GPRC5B: variants seen among roughly 807,000 people sequenced by gnomAD.
GPRC5B encodes the protein G protein-coupled receptor family C group 5 member B.
Under a neutral mutation model 30.1 loss-of-function variants are expected in GPRC5B, and 16 were observed. The ratio of observed to expected loss-of-function variants is 0.53; its 90% CI spans 0.36 to 0.81. The LOEUF is 0.81. Among genes scored for constraint, GPRC5B ranks in the 30% least tolerant of loss-of-function variants. GPRC5B has a pLI of 0.01. For missense variants in GPRC5B, 428 were observed against 544.7 expected (o/e 0.79, Z 2.13); for synonymous variants, 241 against 239.5 (o/e 1.01, Z -0.06).
chr16:19,884,839 T>C lies in GPRC5B; in HGVS notation c.-114A>G. On this transcript the variant is annotated 5_prime_UTR_variant, in exon 1 of 4. Coordinates refer to ENST00000300571, the MANE Select transcript of GPRC5B (RefSeq NM_016235.3). ...CGCACGCCCGCCTGCGGGTCCAGCTTCACTGCAGCGCCTGCCAGAGTCGCT... is the reference window on the plus strand; with the variant it reads ...CGCACGCCCGCCTGCGGGTCCAGCTCCACTGCAGCGCCTGCCAGAGTCGCT... 1.0e-6 allele frequency: 1 copy of C among 983,188 alleles called. No homozygotes were observed. The highest frequency in any genetic ancestry group is 1.2e-6 in the Non-Finnish European group (1 of 829,288). The allele number at this position is 983,188 out of a possible 1,614,324, so 60.9% of individuals were successfully genotyped here.
At chr16:19,880,906 T>A (rs2056802322) in intron 1 of GPRC5B, 1 of 110,128 alleles carries the variant, frequency 9.1e-6, no homozygotes, top group African/African-American at 3.0e-5. Flanking sequence ...ACCCCAGCCA[T>A]GTCCCCTCGA....
rs1226713295 is a variant in GPRC5B at position 19,857,661 on chromosome 16, C to T, written c.*2839G>A. The T allele has an allele frequency of 3.9e-6, 1 of 257,368 alleles. No individual in the cohort carries two copies. The highest frequency in any genetic ancestry group is 2.4e-5 in the African/African-American group (1 of 42,378). 15.9% of individuals were successfully genotyped at this position (257,368 alleles called of 1,614,324 possible). On this transcript the variant is annotated 3_prime_UTR_variant, in exon 4 of 4. Transcript: ENST00000300571. ...TGCTCCCTTTCAACTTGGGGTTTGG[C>T]CTGAGGCGTTCAACTCAGCCTTGGC...
rs1043246174 is a variant in GPRC5B at position 19,858,294 on chromosome 16, C to G, written c.*2206G>C. ...TTAAAAGCCAAAATAAAACAAAACC[C>G]TAAGTGCGATAACATATCAGATTTA... On this transcript the variant is annotated 3_prime_UTR_variant, in exon 4 of 4. Coordinates refer to ENST00000300571, the MANE Select transcript of GPRC5B (RefSeq NM_016235.3). 1 of 427,728 alleles carries G rather than the reference C, an allele frequency of 2.3e-6. No individual in the cohort carries two copies. Among genetic ancestry groups the G allele is most frequent in the Non-Finnish European group, 4.1e-6 (1 of 242,618 alleles). 26.5% of individuals were successfully genotyped at this position (427,728 alleles called of 1,614,324 possible).
intron 2 of GPRC5B, among the ~76,000 whole-genome samples, chr16:19,863,219 A>G (rs2056641029): frequency 1.3e-5 from 2 of 150,546 alleles, no homozygotes; most frequent in Non-Finnish European, 2.9e-5. Flanking sequence ...ATGCAGTGGC[A>G]CGATCATAGC....
intron 2 of GPRC5B, among the ~76,000 whole-genome samples, chr16:19,865,054 G>A (rs2056655861): frequency 1.3e-5 from 2 of 151,114 alleles, no homozygotes; most frequent in African/African-American, 4.9e-5. Flanking sequence ...ACAGGCACAC[G>A]CCACCATGCC....
intron 1 of GPRC5B, among the ~76,000 whole-genome samples, chr16:19,874,108 G>A (rs909389990): frequency 1.3e-5 from 2 of 152,112 alleles, no homozygotes; most frequent in Admixed American, 6.6e-5. Context: ...CTTGGTTCCA[G>A]GCTGCGTCTC....
chr16:19,871,771 T>G (rs774423685), intron 2 of GPRC5B, 45 bp downstream of exon 2: 3 of 1,543,994 alleles, frequency 1.9e-6, no homozygotes, highest in Non-Finnish European at 2.7e-6. Context: ...TCTTTTGAGA[T>G]GAATGGTCCC....
intron 1 of GPRC5B, among the ~76,000 whole-genome samples, chr16:19,874,418 C>G (rs724615): frequency 0.35 from 52,825 of 152,054 alleles, 9,320 homozygotes; most frequent in African/African-American, 0.4. Context: ...TCACGTCTGT[C>G]ATTTTTTGGC....
chr16:19,884,635 A>G, intron 1 of GPRC5B, 92 bp downstream of exon 1: 2 of 899,380 alleles, frequency 2.2e-6, no homozygotes, highest in Non-Finnish European at 2.7e-6. Flanking sequence ...AAACACAAGA[A>G]GCGGACCCCC....
At chr16:19,883,062 A>G (rs1173336701) in intron 1 of GPRC5B, among the ~76,000 whole-genome samples, 1 of 151,996 alleles carries the variant, frequency 6.6e-6, no homozygotes, top group Admixed American at 6.6e-5. Context: ...GGCCGTCCTC[A>G]CCCCAATCGG....
rs996321573 is a variant in GPRC5B at position 19,859,551 on chromosome 16, C to T, written c.*949G>A. 6.6e-6 allele frequency: 1 copy of T among 152,278 alleles called. No homozygotes were observed. The highest frequency in any genetic ancestry group is 1.5e-5 in the Non-Finnish European group (1 of 68,134). The allele number at this position is 152,278 out of a possible 1,614,324, so 9.4% of individuals were successfully genotyped here. On this transcript the variant is annotated 3_prime_UTR_variant, in exon 4 of 4. Coordinates refer to ENST00000300571, the MANE Select transcript of GPRC5B (RefSeq NM_016235.3). ...CTGAAGCCCTGCTAGGTGACATCAT[C>T]GCGGAAAACCTGCCGTGGTGCCTGC...
intron 1 of GPRC5B, 107 bp downstream of exon 1, chr16:19,884,620 T>C (rs1462011947): frequency 1.2e-6 from 1 of 839,242 alleles, no homozygotes; most frequent in African/African-American, 1.8e-5. Flanking sequence ...GGGGGGCGCT[T>C]AGAAAAACAC....
intron 3 of GPRC5B, among the ~76,000 whole-genome samples, chr16:19,861,124 T>C (rs1341350914): frequency 7.3e-6 from 1 of 137,094 alleles, no homozygotes; most frequent in Non-Finnish European, 1.5e-5. Context: ...TCAGGTTGAG[T>C]TATGGAGTTG....
intron 2 of GPRC5B, among the ~76,000 whole-genome samples, chr16:19,870,653 C>G (rs2056709355): frequency 6.6e-6 from 1 of 152,224 alleles, no homozygotes; most frequent in Non-Finnish European, 1.5e-5. Context: ...CTGTGGCCCC[C>G]TACATCCATC....
Position 19,857,402 on chromosome 16 carries a change from G to GTTTATA in GPRC5B, c.*3097_*3098insTATAAA, listed in dbSNP as rs1567204867. The GTTTATA allele has an allele frequency of 4.7e-6, 2 of 429,670 alleles. No homozygotes were observed. The highest frequency in any genetic ancestry group is 4.2e-5 in the African/African-American group (2 of 47,938). 26.6% of individuals were successfully genotyped at this position (429,670 alleles called of 1,614,324 possible). A position where few individuals can be genotyped will look rare whatever the true frequency, so the allele number is the denominator to read the frequency against. On this transcript the variant is annotated 3_prime_UTR_variant, in exon 4 of 4. Coordinates refer to ENST00000300571, the MANE Select transcript of GPRC5B (RefSeq NM_016235.3). ...TTAAATTTGTAATATTTATATAGTC[G>GTTTATA]TTTATGGTACATATTGATTGTCTTG...
intron 1 of GPRC5B, among the ~76,000 whole-genome samples, chr16:19,876,930 G>A (rs2056763794): frequency 6.6e-6 from 1 of 152,212 alleles, no homozygotes; most frequent in African/African-American, 2.4e-5. Context: ...GCCAATCAGA[G>A]CATTTATGCT....
In GPRC5B at chr16:19,882,124, A is replaced by G. The variant is rs561968524; in HGVS notation, c.-2+2603T>C. The G allele has an allele frequency of 6.6e-5, 10 of 152,234 alleles. No individual in the cohort carries two copies. The South Asian group carries it at 1.9e-3, about 28-fold the overall frequency. The allele number at this position is 152,234 out of a possible 1,614,324, so 9.4% of individuals were successfully genotyped here. A position where few individuals can be genotyped will look rare whatever the true frequency, so the allele number is the denominator to read the frequency against. On this transcript the variant is annotated intron_variant, in intron 1 of 3. Coordinates refer to ENST00000300571, the MANE Select transcript of GPRC5B (RefSeq NM_016235.3). ...AGACCCGCTCTTTCCCACACCCCCAATTCTCACCCTCTGATATCTTTTCCG... is the reference window on the plus strand; with the variant it reads ...AGACCCGCTCTTTCCCACACCCCCAGTTCTCACCCTCTGATATCTTTTCCG...
chr16:19,884,629 A>G, intron 1 of GPRC5B, 98 bp downstream of exon 1: 1 of 879,100 alleles, frequency 1.1e-6, no homozygotes. Context: ...TTAGAAAAAC[A>G]CAAGAAGCGG....
In GPRC5B at chr16:19,858,199, C is replaced by T; in HGVS notation, c.*2301G>A. ...TCAGGTGTAGTCATTAGAAAAAGAA[C>T]AGCTCTCTCCCTTCTCCTCTCACTC... On this transcript the variant is annotated 3_prime_UTR_variant, in exon 4 of 4. Transcript: ENST00000300571. 3 of 306,002 alleles carry T rather than the reference C, an allele frequency of 9.8e-6. No individual in the cohort carries two copies. Among genetic ancestry groups the T allele is most frequent in the Non-Finnish European group, 1.8e-5 (3 of 168,462 alleles). 19.0% of individuals were successfully genotyped at this position (306,002 alleles called of 1,614,324 possible). A position where few individuals can be genotyped will look rare whatever the true frequency, so the allele number is the denominator to read the frequency against.
Sources: allele counts gnomAD v4.1 joint callset (sites outside exome capture counted in the v4.1 genomes callset), GRCh38; gene constraint gnomAD v4.1.1; transcripts MANE v1.5; gene names NCBI Gene and HGNC (gene_info 2026-07-23, HGNC 2026-07-21).